EYA4: variants seen among roughly 807,000 people sequenced by gnomAD.
EYA4 encodes the protein EYA transcriptional coactivator and phosphatase 4.
A neutral mutation model predicts 87.9 loss-of-function variants in EYA4; 31 were observed. The observed-to-expected ratio is 0.35, with a 90% CI of 0.27 to 0.48. The LOEUF (loss-of-function observed/expected upper bound fraction) is 0.48. Ranked by LOEUF, EYA4 falls within the 20% of genes least tolerant of loss-of-function variation. The probability of loss-of-function intolerance (pLI) is 0.99; values close to 1 mark genes in which losing one functional copy is unlikely to be tolerated. For synonymous variants in EYA4, 263 were observed against 270.6 expected, an observed-to-expected ratio of 0.97 and a Z score of 0.28; for missense variants, 678 against 761.4, an observed-to-expected ratio of 0.89 and a Z score of 1.29.
chr6:133,374,914 A>T (rs1402449099), intron 2 of EYA4, among the ~76,000 whole-genome samples: 1 of 152,022 alleles, frequency 6.6e-6, no homozygotes, highest in South Asian at 2.1e-4. Flanking sequence ...TATTTCTAAG[A>T]CTTTAATTTT....
intron 3 of EYA4, among the ~76,000 whole-genome samples, chr6:133,434,059 A>G (rs1375911261): frequency 1.3e-5 from 2 of 152,216 alleles, no homozygotes; most frequent in Non-Finnish European, 2.9e-5. Context: ...TATGGGGACC[A>G]CTGTTAAAGA....
intron 19 of EYA4, among the ~76,000 whole-genome samples, chr6:133,526,621 G>A (rs1036998182): frequency 6.6e-6 from 1 of 152,162 alleles, no homozygotes; most frequent in Non-Finnish European, 1.5e-5. Flanking sequence ...TTCATTAGCA[G>A]TGTCAATGAC....
At chr6:133,324,637 TA>T (rs375872154) in intron 2 of EYA4, among the ~76,000 whole-genome samples, 61 of 152,206 alleles carry the variant, frequency 4.0e-4, no homozygotes, top group African/African-American at 1.4e-3. Context: ...AGGATCCTTG[TA>T]AAAGTGGAAA....
intron 1 of EYA4, among the ~76,000 whole-genome samples, chr6:133,273,272 A>T (rs2128264465): frequency 1.3e-5 from 2 of 152,094 alleles, no homozygotes; most frequent in East Asian, 1.9e-4. Flanking sequence ...CGGGAGAAAG[A>T]TGTAGGCTGG....
At chr6:133,373,374 A>C (rs1033911949) in intron 2 of EYA4, among the ~76,000 whole-genome samples, 2 of 152,100 alleles carry the variant, frequency 1.3e-5, no homozygotes, top group African/African-American at 4.8e-5. Context: ...TGCGAAAAAC[A>C]TGAGCAAATT....
intron 2 of EYA4, among the ~76,000 whole-genome samples, chr6:133,286,108 C>T (rs889703977): frequency 6.6e-6 from 1 of 151,964 alleles, no homozygotes; most frequent in Non-Finnish European, 1.5e-5. Context: ...GTGAGAAGCC[C>T]CAGAATGATT....
intron 13 of EYA4, chr6:133,502,739 C>CT (rs1798242528): frequency 6.6e-6 from 1 of 151,722 alleles, no homozygotes; most frequent in African/African-American, 2.4e-5. Context: ...CAGACATTCT[C>CT]TTAGAAACAA....
chr6:133,524,345 T>C (rs916254100), intron 18 of EYA4, among the ~76,000 whole-genome samples: 12 of 152,220 alleles, frequency 7.9e-5, no homozygotes, highest in Non-Finnish European at 1.5e-5. Context: ...TTTTTTGGAC[T>C]TCTGAACCAT....
chr6:133,331,332 T>G (rs561715049), intron 2 of EYA4, among the ~76,000 whole-genome samples: 85 of 152,272 alleles, frequency 5.6e-4, no homozygotes, highest in African/African-American at 1.9e-3. Context: ...TAGTGATCAG[T>G]ATCATTTATT....
chr6:133,394,293 T>TTGG (rs1562369251), intron 3 of EYA4, among the ~76,000 whole-genome samples: 1 of 29,676 alleles, frequency 3.4e-5, no homozygotes, highest in African/African-American at 4.9e-5. Context: ...TGTTTTTTTT[T>TTGG]TTTTTTTTTT....
intron 2 of EYA4, among the ~76,000 whole-genome samples, chr6:133,342,803 A>G (rs577080864): frequency 6.6e-6 from 1 of 152,062 alleles, no homozygotes; most frequent in South Asian, 2.1e-4. Flanking sequence ...ATTAAAAAGC[A>G]CTGATTTATT....
In EYA4 at chr6:133,337,812, C is replaced by T. The variant is rs141679263; in HGVS notation, c.34-44580C>T. On this transcript the variant is annotated intron_variant, in intron 2 of 19. Coordinates refer to ENST00000355286, the MANE Select transcript of EYA4 (RefSeq NM_004100.5). ...AAATATTATATAAGCTATTCCTTTT[C>T]CAGAATTTGTTCAGATATCCACAAA... is the stretch of plus-strand genomic sequence containing the variant. Among the ~76,000 whole-genome samples, 4 of 152,224 alleles carry T rather than the reference C, an allele frequency of 2.6e-5. No individual in the cohort carries two copies. In the East Asian group the frequency reaches 5.8e-4, roughly 22 times the overall value.
At chr6:133,429,766 CTT>C (rs1417651399) in intron 3 of EYA4, among the ~76,000 whole-genome samples, 8 of 152,120 alleles carry the variant, frequency 5.3e-5, no homozygotes, top group East Asian at 1.9e-4. Context: ...TGTCAAGTCT[CTT>C]TGACTTCTCA....
At chr6:133,314,968 T>C (rs2128339697) in intron 2 of EYA4, among the ~76,000 whole-genome samples, 1 of 152,186 alleles carries the variant, frequency 6.6e-6, no homozygotes, top group Admixed American at 6.5e-5. Flanking sequence ...TAATTTGGGG[T>C]GGTGACTGAC....
chr6:133,372,443 T>C (rs1197864638), intron 2 of EYA4, among the ~76,000 whole-genome samples: 1 of 145,892 alleles, frequency 6.9e-6, no homozygotes. Context: ...GTAATCTTTT[T>C]TTATAACAAT....
intron 3 of EYA4, among the ~76,000 whole-genome samples, chr6:133,441,285 G>A (rs1792259644): frequency 6.6e-6 from 1 of 152,014 alleles, no homozygotes; most frequent in Non-Finnish European, 1.5e-5. Context: ...TAATACTTAT[G>A]TAATATATTG....
At chr6:133,307,526 A>G (rs1582909198) in intron 2 of EYA4, among the ~76,000 whole-genome samples, 1 of 152,156 alleles carries the variant, frequency 6.6e-6, no homozygotes, top group Non-Finnish European at 1.5e-5. Context: ...TATGGGCTGG[A>G]GGCAGTTCAA....
At chr6:133,455,266 ATAAT>A (rs1163700174) in intron 5 of EYA4, among the ~76,000 whole-genome samples, 2 of 152,306 alleles carry the variant, frequency 1.3e-5, no homozygotes, top group African/African-American at 2.4e-5. Context: ...CATTATATAA[ATAAT>A]TAGACTACTC....
intron 2 of EYA4, among the ~76,000 whole-genome samples, chr6:133,347,469 C>T (rs1474205043): frequency 4.0e-5 from 6 of 151,868 alleles, no homozygotes; most frequent in Non-Finnish European, 8.8e-5. Context: ...TGGTAATGTA[C>T]ATTTAAAATG....
Sources: allele counts gnomAD v4.1 joint callset (sites outside exome capture counted in the v4.1 genomes callset), GRCh38; gene constraint gnomAD v4.1.1; transcripts MANE v1.5; gene names NCBI Gene and HGNC (gene_info 2026-07-23, HGNC 2026-07-21).